Variants in MAN1A2 observed in about 807,000 individuals in gnomAD.
The protein encoded by MAN1A2 is mannosyl-oligosaccharide 1,2-alpha-mannosidase IB.
A neutral mutation model predicts 75.7 loss-of-function variants in MAN1A2; 26 were observed. The ratio of observed to expected loss-of-function variants is 0.34; its 90% CI spans 0.25 to 0.48. MAN1A2 has a LOEUF of 0.48. MAN1A2 is among the 20% of genes least tolerant of loss of function. The probability of loss-of-function intolerance (pLI) is 0.99; values close to 1 mark genes in which losing one functional copy is unlikely to be tolerated. For missense variants in MAN1A2, 562 were observed against 775.5 expected, an observed-to-expected ratio of 0.72 and a Z score of 3.27; for synonymous variants, 247 against 264.6, an observed-to-expected ratio of 0.93 and a Z score of 0.65.
At chr1:117,395,767 T>G (rs751612311) in intron 1 of MAN1A2, among the ~76,000 whole-genome samples, 3 of 152,142 alleles carry the variant, frequency 2.0e-5, no homozygotes, top group African/African-American at 7.2e-5. Flanking sequence ...AACTGCAAAG[T>G]TTGAGGACAC....
chr1:117,429,868 A>C (rs1194851271), intron 5 of MAN1A2, among the ~76,000 whole-genome samples: 3 of 59,430 alleles, frequency 5.0e-5, no homozygotes, highest in Admixed American at 1.4e-4. Flanking sequence ...CGACCCCCCC[A>C]CCTCCCTCCC....
intron 1 of MAN1A2, among the ~76,000 whole-genome samples, chr1:117,394,326 C>T (rs1318483649): frequency 6.6e-6 from 1 of 152,148 alleles, no homozygotes; most frequent in Admixed American, 6.5e-5. Flanking sequence ...TCGTGATCCG[C>T]CCGCCTCGGC....
intron 1 of MAN1A2, among the ~76,000 whole-genome samples, chr1:117,400,892 A>G (rs1460386339): frequency 2.0e-5 from 3 of 152,154 alleles, no homozygotes; most frequent in African/African-American, 4.8e-5. Flanking sequence ...AACCATTTTA[A>G]TGTGTACAAT....
intron 12 of MAN1A2, among the ~76,000 whole-genome samples, chr1:117,505,095 A>G (rs1303333462): frequency 6.6e-6 from 1 of 151,572 alleles, no homozygotes; most frequent in Non-Finnish European, 1.5e-5. Flanking sequence ...TCTTAAACCA[A>G]CCTAATGTAC....
At chr1:117,414,607 ATAAT>A in intron 3 of MAN1A2, 102 bp from the exon 4 acceptor site, 1 of 606,322 alleles carries the variant, frequency 1.6e-6, no homozygotes, top group South Asian at 2.2e-5. Context: ...TTATACATAA[ATAAT>A]TAAAATACAC....
Position 117,397,448 on chromosome 1 carries a change from A to G in MAN1A2, c.303-4738A>G, listed in dbSNP as rs1008712068. Among the ~76,000 whole-genome samples the G allele has an allele frequency of 6.9e-4, 105 of 152,090 alleles. 3 individuals are homozygous for G. Among genetic ancestry groups the G allele is most frequent in the East Asian group, 3.9e-4 (2 of 5,188 alleles). On this transcript the variant is annotated intron_variant, in intron 1 of 12. Coordinates refer to ENST00000356554, the MANE Select transcript of MAN1A2 (RefSeq NM_006699.5). ...TATTATACATGTTGCTATCAAATGTACTTTGCACCTGTGGAGGAACAACTG... is the reference window on the plus strand; with the variant it reads ...TATTATACATGTTGCTATCAAATGTGCTTTGCACCTGTGGAGGAACAACTG...
At chr1:117,517,137 A>T (rs1651735875) in intron 12 of MAN1A2, among the ~76,000 whole-genome samples, 1 of 152,146 alleles carries the variant, frequency 6.6e-6, no homozygotes, top group African/African-American at 2.4e-5. Flanking sequence ...CTATGTAGCA[A>T]ATAATGAAAG....
intron 11 of MAN1A2, among the ~76,000 whole-genome samples, chr1:117,501,111 C>A (rs897756932): frequency 6.6e-6 from 1 of 151,676 alleles, no homozygotes; most frequent in Non-Finnish European, 1.5e-5. Context: ...GTGCTTTCTT[C>A]AAGTATGGCC....
chr1:117,373,676 G>A (rs1653046791), intron 1 of MAN1A2, among the ~76,000 whole-genome samples: 1 of 151,962 alleles, frequency 6.6e-6, no homozygotes, highest in Non-Finnish European at 1.5e-5. Flanking sequence ...TTTAATTTTT[G>A]TAGAGATAGG....
intron 8 of MAN1A2, among the ~76,000 whole-genome samples, chr1:117,475,431 G>A (rs1650285270): frequency 6.6e-6 from 1 of 151,498 alleles, no homozygotes; most frequent in African/African-American, 2.4e-5. Context: ...TTGTTATGTA[G>A]GTATACACGT....
rs145436970 is a variant in MAN1A2 at position 117,408,142 on chromosome 1, G to A, written c.655+2497G>A. Among the ~76,000 whole-genome samples, 839 of 152,164 alleles carry A rather than the reference G, an allele frequency of 5.5e-3. 3 individuals carry two copies. Among genetic ancestry groups the A allele is most frequent in the Non-Finnish European group, 7.9e-3 (540 of 68,000 alleles). On this transcript the variant is annotated intron_variant, in intron 3 of 12. Transcript: ENST00000356554. ...ACAATGATTAATAGTTAGAATGGCT[G>A]GGTGCAGTGGCACATAGTCCCAGCT...
chr1:117,443,920 ATT>A (rs751314350), intron 6 of MAN1A2, among the ~76,000 whole-genome samples: 2 of 144,824 alleles, frequency 1.4e-5, no homozygotes, highest in African/African-American at 2.5e-5. Context: ...GTTTTTGAAA[ATT>A]TTTTTTTTTT....
intron 6 of MAN1A2, among the ~76,000 whole-genome samples, chr1:117,444,647 A>G (rs2101816116): frequency 6.6e-6 from 1 of 152,054 alleles, no homozygotes; most frequent in African/African-American, 2.4e-5. Flanking sequence ...CTTTTCATAA[A>G]TTTATTGGGC....
At chr1:117,398,189 T>C (rs1647280296) in intron 1 of MAN1A2, among the ~76,000 whole-genome samples, 1 of 152,142 alleles carries the variant, frequency 6.6e-6, no homozygotes, top group Admixed American at 6.5e-5. Context: ...AAGAATCACA[T>C]GTGGTTAAGT....
intron 11 of MAN1A2, among the ~76,000 whole-genome samples, chr1:117,501,242 A>G (rs1376693949): frequency 6.6e-6 from 1 of 151,808 alleles, no homozygotes; most frequent in African/African-American, 2.4e-5. Context: ...CACAAACTCA[A>G]TGTATAATCG....
chr1:117,369,423 G>GA (rs1361645129), intron 1 of MAN1A2, among the ~76,000 whole-genome samples: 1 of 151,814 alleles, frequency 6.6e-6, no homozygotes, highest in Admixed American at 6.6e-5. Flanking sequence ...GAGTATGTGG[G>GA]AAAAAAAATC....
Position 117,455,216 on chromosome 1 carries a change from T to G in MAN1A2, c.951-5273T>G, listed in dbSNP as rs534443610. Among the ~76,000 whole-genome samples the G allele has an allele frequency of 2.8e-4, 42 of 152,260 alleles. 1 individual carries two copies. The highest frequency in any genetic ancestry group is 1.0e-3 in the African/African-American group (42 of 41,570). ...TGAGACACACAGCAATATGGGTGAA[T>G]CTCAAAGACATGTTGAGTGAAAGAG... is the stretch of plus-strand genomic sequence containing the variant. On this transcript the variant is annotated intron_variant, in intron 6 of 12. Transcript: ENST00000356554.
chr1:117,509,088 A>G (rs891421995), intron 12 of MAN1A2, among the ~76,000 whole-genome samples: 2 of 151,416 alleles, frequency 1.3e-5, no homozygotes, highest in African/African-American at 4.8e-5. Context: ...TCATTGAAGA[A>G]AAGATTGAGA....
chr1:117,384,688 C>T (rs1653463013), intron 1 of MAN1A2, among the ~76,000 whole-genome samples: 1 of 152,090 alleles, frequency 6.6e-6, no homozygotes, highest in Non-Finnish European at 1.5e-5. Context: ...ATTATTGTTA[C>T]TTTGTCTGTT....
Sources: gnomAD v4.1 joint callset for allele counts (sites outside exome capture counted in the v4.1 genomes callset) on GRCh38, gnomAD v4.1.1 for gene constraint, MANE v1.5 for transcripts, NCBI Gene and HGNC (gene_info 2026-07-23, HGNC 2026-07-21) for gene names.